The following PIEZO2 variants were observed in gnomAD, a reference collection of about 807,000 sequenced individuals.
The protein encoded by PIEZO2 is piezo-type mechanosensitive ion channel component 2.
In PIEZO2, 172 loss-of-function variants were observed where a neutral mutation model predicts 337.3. That is an observed-to-expected ratio of 0.51 (90% CI 0.45 to 0.58). PIEZO2 has a LOEUF of 0.58. PIEZO2 is among the 20% of genes least tolerant of loss of function. The probability of loss-of-function intolerance (pLI) is 0.00; values close to 1 mark genes in which losing one functional copy is unlikely to be tolerated. For missense variants in PIEZO2, 3,028 were observed against 3,391.3 expected (o/e 0.89, Z 2.66); for synonymous variants, 1,251 against 1,228.5 (o/e 1.02, Z -0.38).
intron 7 of PIEZO2, among the ~76,000 whole-genome samples, chr18:10,831,777 T>C (rs527718196): frequency 6.6e-5 from 10 of 152,182 alleles, no homozygotes; most frequent in Non-Finnish European, 1.2e-4. Context: ...TACATATATA[T>C]ACCTACTATG....
Position 10,872,253 on chromosome 18 carries a change from AT to A in PIEZO2, c.330-839del, listed in dbSNP as rs1176064699. 6.6e-6 allele frequency among the ~76,000 whole-genome samples: 1 copy of A among 152,200 alleles called. No homozygotes were observed. Among genetic ancestry groups the A allele is most frequent in the Non-Finnish European group, 1.5e-5 (1 of 68,034 alleles). ...TAGATAATTTTCACACATATAGGGC[AT>A]TTTTGTTATAATTGAGATCCTGAAA... On this transcript the variant is annotated intron_variant, in intron 4 of 55. Coordinates refer to ENST00000674853, the MANE Select transcript of PIEZO2 (RefSeq NM_001378183.1). The surrounding 1 kb of genome is among the most constrained non-coding windows in gnomAD (Gnocchi z 4.3).
rs922105100 is a variant in PIEZO2 at position 11,009,829 on chromosome 18, C to T, written c.161-30169G>A. 6.6e-6 allele frequency among the ~76,000 whole-genome samples: 1 copy of T among 152,028 alleles called. No individual in the cohort carries two copies. Among genetic ancestry groups the T allele is most frequent in the South Asian group, 2.1e-4 (1 of 4,806 alleles). On this transcript the variant is annotated intron_variant, in intron 2 of 55. Transcript: ENST00000674853. The surrounding 1 kb of genome is among the most constrained non-coding windows in gnomAD (Gnocchi z 4.6). Reference sequence around the variant, plus strand: ...TCCTTGTAAGAAGAGGAGAGTAGGACGCGGACAGGCACAGAAGGGAGACCG... The same window carrying T: ...TCCTTGTAAGAAGAGGAGAGTAGGATGCGGACAGGCACAGAAGGGAGACCG...
At chr18:10,747,754 A>C (rs1015762358) in intron 30 of PIEZO2, among the ~76,000 whole-genome samples, 2 of 152,206 alleles carry the variant, frequency 1.3e-5, no homozygotes, top group African/African-American at 4.8e-5. Context: ...GACTCTAGCG[A>C]AACTGTAGGT....
At chr18:10,734,393 T>C (rs916881026) in intron 35 of PIEZO2, among the ~76,000 whole-genome samples, 2 of 152,290 alleles carry the variant, frequency 1.3e-5, no homozygotes, top group Admixed American at 1.3e-4. Context: ...TGAGGTCCCA[T>C]AGGACCTGCT....
intron 2 of PIEZO2, among the ~76,000 whole-genome samples, chr18:11,011,620 A>T (rs558835624): frequency 8.3e-4 from 126 of 152,280 alleles, no homozygotes; most frequent in Non-Finnish European, 1.5e-3. Context: ...ATGCTTTACA[A>T]TGCTCTTTTA....
At chr18:11,054,632 T>C (rs1453832329) in intron 2 of PIEZO2, among the ~76,000 whole-genome samples, 3 of 152,226 alleles carry the variant, frequency 2.0e-5, no homozygotes, top group African/African-American at 7.2e-5. Context: ...TACAGTGAGA[T>C]GCTCCTAAAA....
At chr18:10,760,346 C>A (rs1237290056) in intron 24 of PIEZO2, among the ~76,000 whole-genome samples, 4 of 152,142 alleles carry the variant, frequency 2.6e-5, no homozygotes, top group African/African-American at 9.7e-5. Context: ...GCCCTGTCAC[C>A]CAGGCTAGAG....
rs2040928898 is a variant in PIEZO2, at chr18:10,833,984, C to G, written c.917+21369G>C. ...GGAGAGTGATTTAGAATACAGGCTTCAGAATTAGAGTTTTAAACATTTTAA... is the reference window on the plus strand; with the variant it reads ...GGAGAGTGATTTAGAATACAGGCTTGAGAATTAGAGTTTTAAACATTTTAA... On this transcript the variant is annotated intron_variant, in intron 7 of 55. Transcript: ENST00000674853. The surrounding 1 kb of genome is among the most constrained non-coding windows in gnomAD (Gnocchi z 4.7). Among the ~76,000 whole-genome samples the G allele has an allele frequency of 6.6e-6, 1 of 152,184 alleles. No homozygotes were observed. The highest frequency in any genetic ancestry group is 2.1e-4 in the South Asian group (1 of 4,830).
chr18:11,004,281 A>C (rs921624404), intron 2 of PIEZO2, among the ~76,000 whole-genome samples: 2 of 152,188 alleles, frequency 1.3e-5, no homozygotes, highest in African/African-American at 4.8e-5. Context: ...GAATTAATGT[A>C]GATATTTACC....
chr18:10,745,191 T>C (rs1188638625), intron 30 of PIEZO2, among the ~76,000 whole-genome samples: 1 of 152,172 alleles, frequency 6.6e-6, no homozygotes, highest in Non-Finnish European at 1.5e-5. Context: ...AGGTACCCTT[T>C]GTCTGACTAG....
At chr18:10,970,642 T>C (rs2034197978) in intron 3 of PIEZO2, among the ~76,000 whole-genome samples, 1 of 147,964 alleles carries the variant, frequency 6.8e-6, no homozygotes, top group Admixed American at 6.8e-5. Context: ...GAGCAAAACT[T>C]AGAACAAAAA....
chr18:10,898,182 T>C (rs2042951737), intron 4 of PIEZO2, among the ~76,000 whole-genome samples: 2 of 152,204 alleles, frequency 1.3e-5, no homozygotes, highest in Admixed American at 1.3e-4. Flanking sequence ...TGTATATATT[T>C]AGACAGAGTT....
chr18:10,773,289 C>A lies in PIEZO2; in HGVS notation c.2785+123G>T. 2 of 997,680 alleles carry A rather than the reference C, an allele frequency of 2.0e-6. No homozygotes were observed. Among genetic ancestry groups the A allele is most frequent in the Admixed American group, 2.5e-5 (1 of 40,614 alleles). The allele number at this position is 997,680 out of a possible 1,614,324, so 61.8% of individuals were successfully genotyped here. On this transcript the variant is annotated intron_variant, in intron 20 of 55. Transcript: ENST00000674853. This position sits in a 1 kb window ranked among gnomAD's most constrained non-coding sequence, Gnocchi z 5.3. ...TATAACTATAGCAATCAAACAAAAA[C>A]CACTCCAATTTTTATGTCATGGACT...
At chr18:11,093,533 A>T (rs1267902063) in intron 1 of PIEZO2, among the ~76,000 whole-genome samples, 19 of 150,334 alleles carry the variant, frequency 1.3e-4, no homozygotes, top group Admixed American at 1.3e-3. Context: ...TGACGTGTCG[A>T]AAGACGGATT....
chr18:10,770,426 T>A (rs1462192878), intron 20 of PIEZO2, 118 bp from the exon 21 acceptor site: 1 of 1,099,478 alleles, frequency 9.1e-7, no homozygotes, highest in Non-Finnish European at 1.2e-6. Flanking sequence ...AGTGGATGAA[T>A]TCTAAGAAAA....
At chr18:11,037,727 C>T (rs1013136418) in intron 2 of PIEZO2, among the ~76,000 whole-genome samples, 5 of 152,182 alleles carry the variant, frequency 3.3e-5, no homozygotes, top group African/African-American at 1.2e-4. Context: ...AGGCCTGTGA[C>T]TCCGGCAGTC....
At chr18:10,827,289 A>G (rs2040703124) in intron 7 of PIEZO2, among the ~76,000 whole-genome samples, 2 of 152,226 alleles carry the variant, frequency 1.3e-5, no homozygotes, top group African/African-American at 4.8e-5. Context: ...TTTTAAAAGT[A>G]TGCCATTTTC....
At chr18:10,762,751 G>T in intron 22 of PIEZO2, 126 bp from the exon 23 acceptor site, 1 of 1,336,164 alleles carries the variant, frequency 7.5e-7, no homozygotes, top group Non-Finnish European at 1.0e-6. Context: ...CATTTCAGGG[G>T]AGACCTCAGT....
intron 4 of PIEZO2, among the ~76,000 whole-genome samples, chr18:10,902,569 A>G (rs562151194): frequency 1.3e-5 from 2 of 152,334 alleles, no homozygotes; most frequent in East Asian, 3.9e-4. Flanking sequence ...CCCTCCTCCC[A>G]AAAACGTATG....
Sources: gnomAD v4.1 joint callset for allele counts (sites outside exome capture counted in the v4.1 genomes callset) on GRCh38, gnomAD v4.1.1 for gene constraint, Gnocchi (gnomAD v3.1) non-coding constraint, MANE v1.5 for transcripts, NCBI Gene and HGNC (gene_info 2026-07-23, HGNC 2026-07-21) for gene names.